The following PRDM11 variants were observed in gnomAD, a reference collection of about 807,000 sequenced individuals.
PRDM11 encodes the protein PR/SET domain 11.
A neutral mutation model predicts 97.8 loss-of-function variants in PRDM11; 20 were observed. The observed-to-expected ratio is 0.20, with a 90% CI of 0.14 to 0.30. The LOEUF is 0.30. PRDM11 is among the 10% of genes least tolerant of loss of function. The pLI is 1.00. For synonymous variants in PRDM11, 599 were observed against 637.7 expected, an observed-to-expected ratio of 0.94 and a Z score of 0.91; for missense variants, 1,139 against 1,555.2, an observed-to-expected ratio of 0.73 and a Z score of 4.50.
chr11:45,103,327 G>A (rs911810923), intron 1 of PRDM11, among the ~76,000 whole-genome samples: 1 of 152,184 alleles, frequency 6.6e-6, no homozygotes, highest in Admixed American at 6.5e-5. Context: ...AGCAAATGGG[G>A]GGACTGGTGA....
rs539376750 is a variant in PRDM11, at chr11:45,098,570, G to A, written c.96+2669G>A. Among the ~76,000 whole-genome samples, 7 of 152,330 alleles carry A rather than the reference G, an allele frequency of 4.6e-5. No homozygotes were observed. The South Asian group carries it at 1.5e-3, about 32-fold the overall frequency. On this transcript the variant is annotated intron_variant, in intron 1 of 6. Transcript: ENST00000530656. Reference sequence around the variant, plus strand: ...CTTGCCCAGGCTCGCACAGCTATGAGGAGGCAGAGCTGGGATTTGCATCCA... The same window carrying A: ...CTTGCCCAGGCTCGCACAGCTATGAAGAGGCAGAGCTGGGATTTGCATCCA...
rs149039165 is a variant in PRDM11, at chr11:45,182,267, G to A, written c.141G>A (p.Ser47=). Residue 47 remains serine, a synonymous_variant, in exon 3 of 8, where the codon TCG becomes TCA. Coordinates refer to ENST00000683152, the MANE Select transcript of PRDM11 (RefSeq NM_001384648.1). ...CCAGCTCTAGGAGACCGGACTCCTC[G>A]GCCATGGAAGTTGAGCCCAAGAAAC... ...GQPCSRRPDS[S]AMEVEPKKLK... is the part of the protein sequence containing the mutation. 2.2e-4 allele frequency: 350 copies of A among 1,613,896 alleles called. 2 individuals are homozygous for A. The highest frequency in any genetic ancestry group is 1.5e-3 in the South Asian group (134 of 91,068).
chr11:45,228,254 ATT>A lies in PRDM11; in HGVS notation c.*96_*97del, dbSNP rs1854325371. ...ATTATATAAATATATATTATATTAT[ATT>A]ATATTATATTATATATATATATATA... On this transcript the variant is annotated 3_prime_UTR_variant, in exon 8 of 8. Transcript: ENST00000683152. 12 of 293,038 alleles carry A rather than the reference ATT, an allele frequency of 4.1e-5. No individual in the cohort carries two copies. Among genetic ancestry groups the A allele is most frequent in the Middle Eastern group, 1.2e-3 (1 of 804 alleles). The allele number at this position is 293,038 out of a possible 1,614,324, so 18.2% of individuals were successfully genotyped here.
chr11:45,142,592 G>C (rs111989389), upstream of PRDM11, among the ~76,000 whole-genome samples: 1,890 of 152,316 alleles, frequency 0.012, 37 homozygotes, highest in African/African-American at 0.042. Flanking sequence ...GTAGGGGATA[G>C]TGGTTTGGGC....
At chr11:45,147,563 C>G (rs945170373) in intron 1 of PRDM11, 1 of 152,628 alleles carries the variant, frequency 6.6e-6, no homozygotes, top group Non-Finnish European at 1.5e-5. Flanking sequence ...GCCTCCACCC[C>G]CCACTCGCAG....
intron 4 of PRDM11, among the ~76,000 whole-genome samples, chr11:45,202,176 G>A (rs189952882): frequency 5.9e-4 from 90 of 152,250 alleles, no homozygotes; most frequent in Non-Finnish European, 8.8e-4. Flanking sequence ...CATTCAACCA[G>A]TATTCCACCA....
chr11:45,213,709 G>C (rs1349165420), intron 5 of PRDM11: 2 of 456,522 alleles, frequency 4.4e-6, no homozygotes, highest in Admixed American at 4.7e-5. Context: ...TGGGGGCTCA[G>C]GACAGTCAGC....
At chr11:45,108,423 G>C (rs1852102515) in intron 1 of PRDM11, among the ~76,000 whole-genome samples, 5 of 152,158 alleles carry the variant, frequency 3.3e-5, no homozygotes, top group African/African-American at 1.2e-4. Context: ...GAGCTTCTGG[G>C]GTTAAATATT....
chr11:45,180,918 C>G (rs1190576767), intron 1 of PRDM11, among the ~76,000 whole-genome samples: 1 of 152,098 alleles, frequency 6.6e-6, no homozygotes, highest in South Asian at 2.1e-4. Flanking sequence ...TCCCCGCACC[C>G]CTCCCAGTCG....
intron 1 of PRDM11, chr11:45,095,949 C>G: frequency 1.3e-6 from 1 of 768,304 alleles, no homozygotes; most frequent in Non-Finnish European, 2.4e-6. Flanking sequence ...AACGCTTGCA[C>G]TTGCTACTAC....
chr11:45,206,228 C>T (rs1163463349), intron 5 of PRDM11, among the ~76,000 whole-genome samples: 6 of 152,358 alleles, frequency 3.9e-5, no homozygotes, highest in Admixed American at 6.5e-5. Flanking sequence ...TGGCCCTTCC[C>T]GGGCTCACAC....
At chr11:45,116,005 A>G (rs1424941352) in intron 1 of PRDM11, among the ~76,000 whole-genome samples, 1 of 152,208 alleles carries the variant, frequency 6.6e-6, no homozygotes, top group Admixed American at 6.5e-5. Flanking sequence ...GTTTTAAAAC[A>G]ATCAGTATCA....
chr11:45,225,768 G>C (rs1221916169), intron 7 of PRDM11, among the ~76,000 whole-genome samples: 1 of 152,158 alleles, frequency 6.6e-6, no homozygotes, highest in Non-Finnish European at 1.5e-5. Context: ...GAAATCTGGT[G>C]GGTGTGACAA....
At chr11:45,172,296 A>G (rs1488636138) in intron 1 of PRDM11, among the ~76,000 whole-genome samples, 11 of 152,180 alleles carry the variant, frequency 7.2e-5, no homozygotes, top group Non-Finnish European at 1.5e-5. Flanking sequence ...ATCTCCTTCA[A>G]GAGTCTTCAC....
At chr11:45,152,065 CATTTATTT>C (rs764463745) in intron 1 of PRDM11, among the ~76,000 whole-genome samples, 1 of 151,970 alleles carries the variant, frequency 6.6e-6, no homozygotes, top group Admixed American at 6.6e-5. Context: ...CTCATGGGCA[CATTTATTT>C]ATTTATTTAT....
At chr11:45,166,901 A>G (rs1852078366) in intron 1 of PRDM11, among the ~76,000 whole-genome samples, 1 of 152,206 alleles carries the variant, frequency 6.6e-6, no homozygotes, top group South Asian at 2.1e-4. Flanking sequence ...AACTTGACAT[A>G]CAGTAATTAT....
chr11:45,096,878 G>A (rs991651474), intron 1 of PRDM11, among the ~76,000 whole-genome samples: 1 of 152,176 alleles, frequency 6.6e-6, no homozygotes, highest in Admixed American at 6.5e-5. Flanking sequence ...CCTGTTTCAG[G>A]AACTCCTGCC....
chr11:45,158,652 T>C (rs913559871), intron 1 of PRDM11, among the ~76,000 whole-genome samples: 7 of 152,168 alleles, frequency 4.6e-5, no homozygotes, highest in African/African-American at 1.4e-4. Context: ...TGACTTGCCA[T>C]AGAGCGAGGG....
intron 1 of PRDM11, among the ~76,000 whole-genome samples, chr11:45,149,326 C>G (rs1002720418): frequency 3.3e-5 from 5 of 152,272 alleles, no homozygotes; most frequent in Admixed American, 1.3e-4. Context: ...ACCGAATGAT[C>G]TGGCCCCTGC....
Sources: gnomAD v4.1 joint callset for allele counts (sites outside exome capture counted in the v4.1 genomes callset) on GRCh38, gnomAD v4.1.1 for gene constraint, MANE v1.5 for transcripts, NCBI Gene and HGNC (gene_info 2026-07-23, HGNC 2026-07-21) for gene names.